Variants in KANSL1 observed in about 807,000 individuals in gnomAD.
The protein encoded by KANSL1 is MLL1/MLL complex subunit KANSL1.
Under a neutral mutation model 103.6 loss-of-function variants are expected in KANSL1, and 22 were observed. The ratio of observed to expected loss-of-function variants is 0.21; its 90% CI spans 0.15 to 0.30. The LOEUF (loss-of-function observed/expected upper bound fraction) is 0.30, where lower values mean the gene tolerates loss of function less well. Ranked by LOEUF, KANSL1 falls within the 10% of genes least tolerant of loss-of-function variation. The pLI, the probability that KANSL1 is intolerant of heterozygous loss-of-function variation, is 1.00. For missense variants in KANSL1, 1,337 were observed against 1,399.8 expected (o/e 0.96, Z 0.72); for synonymous variants, 600 against 527.6 (o/e 1.14, Z -1.88).
At chr17:46,151,255 T>A (rs62063241) in intron 2 of KANSL1, among the ~76,000 whole-genome samples, 17,348 of 150,542 alleles carry the variant, frequency 0.12, no homozygotes, top group Non-Finnish European at 0.18. Flanking sequence ...TGGATCAGCA[T>A]GCATGCTCCT....
At chr17:46,190,007 C>T (rs1242100165) in intron 1 of KANSL1, among the ~76,000 whole-genome samples, 2 of 152,062 alleles carry the variant, frequency 1.3e-5, no homozygotes, top group Non-Finnish European at 2.9e-5. Flanking sequence ...AAAATACCTT[C>T]TCAAACAACC....
At chr17:46,125,306 A>G in intron 2 of KANSL1, among the ~76,000 whole-genome samples, 1 of 152,230 alleles carries the variant, frequency 6.6e-6, no homozygotes, top group African/African-American at 2.4e-5. Context: ...TCCACTATTT[A>G]TTATGACATA....
intron 1 of KANSL1, among the ~76,000 whole-genome samples, chr17:46,213,284 G>T (rs2048220928): frequency 6.6e-6 from 1 of 151,032 alleles, no homozygotes; most frequent in African/African-American, 2.4e-5. Context: ...CGTTTTATTT[G>T]TTTTTTGTTG....
intron 2 of KANSL1, among the ~76,000 whole-genome samples, chr17:46,163,255 T>A (rs1411631560): frequency 1.3e-5 from 2 of 152,264 alleles, no homozygotes; most frequent in Non-Finnish European, 2.9e-5. Flanking sequence ...AATGTAGAGT[T>A]AATGAATGAA....
At position 46,050,561 on chromosome 17, in the gene KANSL1, A is replaced by C; in HGVS notation, c.1992T>G (p.Cys664Trp). 1 of 1,614,208 alleles carries C rather than the reference A, an allele frequency of 6.2e-7. No individual in the cohort carries two copies. The highest frequency in any genetic ancestry group is 8.5e-7 in the Non-Finnish European group (1 of 1,180,032). Residue 664 changes from cysteine (C) to tryptophan (W), a missense_variant, in exon 7 of 15, where the codon TGT becomes TGG. This residue lies in a region of KANSL1 where 780 missense variants were observed against 923.4 expected (regional missense o/e 0.84). Coordinates refer to ENST00000432791, the MANE Select transcript of KANSL1 (RefSeq NM_015443.4). ...LLERLSQLDS[C>W]VHPVLAFPDD... ...CTGGAAATGCTAGAACAGGATGAACACAAGAGTCCAACTGGGAAAGACGTT... is the reference window on the plus strand; with the variant it reads ...CTGGAAATGCTAGAACAGGATGAACCCAAGAGTCCAACTGGGAAAGACGTT...
At chr17:46,140,878 T>C (rs751449473) in intron 2 of KANSL1, among the ~76,000 whole-genome samples, 14 of 152,292 alleles carry the variant, frequency 9.2e-5, no homozygotes, top group East Asian at 1.9e-4. Context: ...ATTAGAAGCA[T>C]TGGCAAGAAT....
At chr17:46,109,695 T>C (rs1598641843) in intron 2 of KANSL1, among the ~76,000 whole-genome samples, 2 of 152,218 alleles carry the variant, frequency 1.3e-5, no homozygotes, top group Admixed American at 6.5e-5. Flanking sequence ...TTCAATGACA[T>C]AACATTTTTA....
rs139874789 is a variant in KANSL1, at chr17:46,168,087, C to A, written c.1289+2768G>T. Among the ~76,000 whole-genome samples the A allele has an allele frequency of 1.6e-3, 238 of 152,354 alleles. 1 individual carries two copies. Among genetic ancestry groups the A allele is most frequent in the African/African-American group, 5.6e-3 (232 of 41,582 alleles). ...GGTGGGGGGAGCCAAAATTCACCAG[C>A]TGGGTCAAGTTCCTGAAGAATTAAC... On this transcript the variant is annotated intron_variant, in intron 2 of 14. Transcript: ENST00000432791.
intron 3 of KANSL1, among the ~76,000 whole-genome samples, chr17:46,084,429 G>A (rs1235193262): frequency 2.0e-5 from 3 of 151,850 alleles, no homozygotes; most frequent in Non-Finnish European, 4.4e-5. Flanking sequence ...GCTGGGTGTG[G>A]TAGATCACAC....
intron 2 of KANSL1, among the ~76,000 whole-genome samples, chr17:46,094,969 C>A (rs2146950857): frequency 6.6e-6 from 1 of 152,286 alleles, no homozygotes; most frequent in East Asian, 1.9e-4. Flanking sequence ...CCTTTAATTT[C>A]TCTGGGACAA....
At chr17:46,105,919 ACACACACACACACACACACACACACACAC>A in intron 2 of KANSL1, among the ~76,000 whole-genome samples, 1 of 90,022 alleles carries the variant, frequency 1.1e-5, no homozygotes, top group East Asian at 2.8e-4. Context: ...ACACACACAC[ACACACACACACACACACACACACACACAC>A]CCCCCCAGAA....
At chr17:46,036,011 AT>A (rs1238631238) in intron 10 of KANSL1, 7 of 147,862 alleles carry the variant, frequency 4.7e-5, no homozygotes, top group Non-Finnish European at 1.1e-4. Context: ...CAGAAGCAAC[AT>A]TAAGGAGTAT....
intron 2 of KANSL1, among the ~76,000 whole-genome samples, chr17:46,141,809 G>A (rs1201458322): frequency 6.6e-6 from 1 of 152,160 alleles, no homozygotes; most frequent in Non-Finnish European, 1.5e-5. Flanking sequence ...CAGCTTTTTC[G>A]GAAAGAGGGT....
At position 46,031,458 on chromosome 17, in the gene KANSL1, T is replaced by TA. The variant is rs776352811; in HGVS notation, c.*17dup. On this transcript the variant is annotated 3_prime_UTR_variant, in exon 15 of 15. Transcript: ENST00000432791. ...AATGCCAATAGTTAGTGAGTCTGTTTAGATGGCTGTCTCCCGCTCATCTGT... is the reference window on the plus strand; with the variant it reads ...AATGCCAATAGTTAGTGAGTCTGTTTAAGATGGCTGTCTCCCGCTCATCTGT... 2 of 1,579,454 alleles carry TA rather than the reference T, an allele frequency of 1.3e-6. No homozygotes were observed. Among genetic ancestry groups the TA allele is most frequent in the East Asian group, 4.5e-5 (2 of 44,050 alleles).
intron 3 of KANSL1, among the ~76,000 whole-genome samples, chr17:46,086,910 G>A (rs552821201): frequency 3.3e-5 from 5 of 152,262 alleles, no homozygotes; most frequent in Non-Finnish European, 7.4e-5. Context: ...GGTACTACAG[G>A]CGCATACCAC....
intron 2 of KANSL1, among the ~76,000 whole-genome samples, chr17:46,129,983 C>G (rs2043769465): frequency 6.6e-6 from 1 of 151,976 alleles, no homozygotes; most frequent in Admixed American, 6.6e-5. Context: ...CCCAGGACAT[C>G]AAGACCAGCC....
chr17:46,058,997 A>G (rs1288431676), intron 6 of KANSL1, among the ~76,000 whole-genome samples: 1 of 151,398 alleles, frequency 6.6e-6, no homozygotes, highest in Non-Finnish European at 1.5e-5. Flanking sequence ...CAGTGAGCCA[A>G]GGATGTGCCA....
intron 2 of KANSL1, among the ~76,000 whole-genome samples, chr17:46,136,267 G>C (rs2044137213): frequency 6.6e-6 from 1 of 152,134 alleles, no homozygotes; most frequent in Non-Finnish European, 1.5e-5. Flanking sequence ...AAAATCTAGG[G>C]TATATAGGTT....
intron 4 of KANSL1, among the ~76,000 whole-genome samples, chr17:46,076,495 CAAAAAA>C (rs36086421): frequency 1.3e-5 from 1 of 79,510 alleles, no homozygotes. Context: ...GACTTCATCT[CAAAAAA>C]AAAAAAAAAA....
Sources: gnomAD v4.1 joint callset for allele counts (sites outside exome capture counted in the v4.1 genomes callset) on GRCh38, gnomAD v4.1.1 for gene constraint, gnomAD v4.1.1 regional missense constraint, MANE v1.5 for transcripts, NCBI Gene and HGNC (gene_info 2026-07-23, HGNC 2026-07-21) for gene names.